SPOCK3: variants seen among roughly 807,000 people sequenced by gnomAD.
SPOCK3 encodes the protein SPARC (osteonectin), cwcv and kazal like domains proteoglycan 3.
SPOCK3 carries 30 observed loss-of-function variants against 56.6 expected under a neutral mutation model. That is an observed-to-expected ratio of 0.53 (90% CI 0.40 to 0.72). The LOEUF (loss-of-function observed/expected upper bound fraction) is 0.72, where lower values mean the gene tolerates loss of function less well. SPOCK3 is among the 30% of genes least tolerant of loss of function. The pLI, the probability that SPOCK3 is intolerant of heterozygous loss-of-function variation, is 0.00. For missense variants in SPOCK3, 527 were observed against 530.0 expected (o/e 0.99, Z 0.06); for synonymous variants, 196 against 183.3 (o/e 1.07, Z -0.56).
At chr4:167,092,473 A>G (rs749554647) in intron 2 of SPOCK3, among the ~76,000 whole-genome samples, 12 of 152,098 alleles carry the variant, frequency 7.9e-5, no homozygotes, top group Non-Finnish European at 1.2e-4. Context: ...GAATTATTGC[A>G]TTGATCTGAT....
intron 4 of SPOCK3, among the ~76,000 whole-genome samples, chr4:166,935,442 CA>C (rs1193405488): frequency 1.3e-5 from 2 of 152,168 alleles, no homozygotes; most frequent in African/African-American, 4.8e-5. Context: ...GCTCTGGTTA[CA>C]GCTTTTGCTT....
chr4:166,952,671 T>A (rs529715546), intron 4 of SPOCK3, among the ~76,000 whole-genome samples: 1 of 152,132 alleles, frequency 6.6e-6, no homozygotes, highest in Non-Finnish European at 1.5e-5. Context: ...TCACACTACC[T>A]GACTTCAAAC....
At chr4:167,031,659 G>A (rs1389108026) in intron 3 of SPOCK3, among the ~76,000 whole-genome samples, 1 of 151,982 alleles carries the variant, frequency 6.6e-6, no homozygotes, top group Non-Finnish European at 1.5e-5. Context: ...CGGGCATGAA[G>A]TAGAGTATTA....
At chr4:166,979,196 A>G (rs1247503263) in intron 4 of SPOCK3, among the ~76,000 whole-genome samples, 1 of 152,146 alleles carries the variant, frequency 6.6e-6, no homozygotes, top group East Asian at 1.9e-4. Context: ...AGACTGAAAA[A>G]GAGCTCCTCT....
chr4:167,157,113 C>T (rs1177036976), intron 2 of SPOCK3, among the ~76,000 whole-genome samples: 2 of 151,622 alleles, frequency 1.3e-5, no homozygotes, highest in African/African-American at 4.8e-5. Flanking sequence ...ATGGTTTTGC[C>T]CAAGTTCTGC....
chr4:166,771,604 T>G (rs1738940964), intron 7 of SPOCK3, among the ~76,000 whole-genome samples: 1 of 152,080 alleles, frequency 6.6e-6, no homozygotes, highest in Admixed American at 6.6e-5. Flanking sequence ...ATTTCATTTA[T>G]TTTTAGTATA....
chr4:166,977,251 C>A (rs1330935704), intron 4 of SPOCK3, among the ~76,000 whole-genome samples: 1 of 151,934 alleles, frequency 6.6e-6, no homozygotes, highest in Non-Finnish European at 1.5e-5. Context: ...TAGAGATGTA[C>A]AAGTTAGAGA....
intron 2 of SPOCK3, among the ~76,000 whole-genome samples, chr4:167,159,375 T>A (rs1354634859): frequency 1.3e-5 from 2 of 151,902 alleles, no homozygotes; most frequent in Non-Finnish European, 2.9e-5. Context: ...CATTTGCCCT[T>A]CTCTCATAAA....
intron 4 of SPOCK3, among the ~76,000 whole-genome samples, chr4:166,946,697 C>A (rs537893157): frequency 2.0e-5 from 3 of 150,752 alleles, no homozygotes; most frequent in South Asian, 4.1e-4. Context: ...TTGTATAGCA[C>A]TTGGTCCTTT....
intron 6 of SPOCK3, among the ~76,000 whole-genome samples, chr4:166,852,277 C>T (rs1190682359): frequency 6.6e-6 from 1 of 151,624 alleles, no homozygotes; most frequent in Non-Finnish European, 1.5e-5. Context: ...TGCACATGTA[C>T]CCTAAAACTT....
At chr4:167,230,264 T>C (rs964283483) in intron 2 of SPOCK3, among the ~76,000 whole-genome samples, 1 of 151,956 alleles carries the variant, frequency 6.6e-6, no homozygotes. Flanking sequence ...ATAAAGGGTA[T>C]GGTTTAATTA....
At chr4:166,888,384 A>G (rs1201463181) in intron 6 of SPOCK3, among the ~76,000 whole-genome samples, 2 of 152,076 alleles carry the variant, frequency 1.3e-5, no homozygotes, top group African/African-American at 2.4e-5. Context: ...TAATGCTGTA[A>G]AATATTTTTT....
chr4:166,850,133 A>G (rs1033019832), intron 6 of SPOCK3, among the ~76,000 whole-genome samples: 5 of 152,088 alleles, frequency 3.3e-5, no homozygotes, highest in Non-Finnish European at 7.4e-5. Flanking sequence ...TGGTAATTCT[A>G]TTGTTAATTA....
intron 3 of SPOCK3, among the ~76,000 whole-genome samples, chr4:167,045,688 C>A (rs1327354195): frequency 6.6e-6 from 1 of 152,000 alleles, no homozygotes; most frequent in Non-Finnish European, 1.5e-5. Flanking sequence ...AGTGCAAGTA[C>A]CTTACAATAA....
chr4:166,947,310 C>A (rs1406935845), intron 4 of SPOCK3, among the ~76,000 whole-genome samples: 1 of 152,110 alleles, frequency 6.6e-6, no homozygotes, highest in Non-Finnish European at 1.5e-5. Context: ...GAGTGTATCA[C>A]CTTTTCTAAT....
chr4:166,783,842 C>A (rs1004631956), intron 7 of SPOCK3, among the ~76,000 whole-genome samples: 2 of 152,072 alleles, frequency 1.3e-5, no homozygotes, highest in African/African-American at 4.8e-5. Flanking sequence ...ACTCAACTGG[C>A]ATTGGAGTAA....
chr4:166,856,806 A>ATCTAGATATCTAGATATCTAGATATCTC (rs1730732323), intron 6 of SPOCK3, among the ~76,000 whole-genome samples: 1 of 151,014 alleles, frequency 6.6e-6, no homozygotes, highest in Non-Finnish European at 1.5e-5. Context: ...CTATCTATCT[A>ATCTAGATATCTAGATATCTAGATATCTC]TCTAGATATC....
At position 166,949,913 on chromosome 4, in the gene SPOCK3, C is replaced by T. The variant is rs1005287306; in HGVS notation, c.351-37170G>A. ...GCAATTTTGTCACCACCAGGCCTGC[C>T]CTAAAAGAGCTCCTGAAGGAAGCAC... On this transcript the variant is annotated intron_variant, in intron 4 of 10. Transcript: ENST00000357545. Among the ~76,000 whole-genome samples the T allele has an allele frequency of 9.9e-5, 15 of 151,046 alleles. 1 individual carries two copies. Among genetic ancestry groups the T allele is most frequent in the African/African-American group, 3.7e-4 (15 of 40,640 alleles).
In SPOCK3 at chr4:167,170,314, C is replaced by T. The variant is rs117023432; in HGVS notation, c.189+63671G>A. Among the ~76,000 whole-genome samples, 114 of 152,162 alleles carry T rather than the reference C, an allele frequency of 7.5e-4. 1 individual carries two copies. In the East Asian group the frequency reaches 0.019, roughly 25 times the overall value. On this transcript the variant is annotated intron_variant, in intron 2 of 10. Transcript: ENST00000357545. The stretch of plus-strand genomic sequence containing the variant: ...TACTCTAAGACAGTTTTTGAATGTC[C>T]GATACCTTTAAGCAACTCAACTTAA...
Sources: allele counts gnomAD v4.1 joint callset (sites outside exome capture counted in the v4.1 genomes callset), GRCh38; gene constraint gnomAD v4.1.1; transcripts MANE v1.5; gene names NCBI Gene and HGNC (gene_info 2026-07-23, HGNC 2026-07-21).